The following GRM8 variants were observed in gnomAD, a reference collection of about 807,000 sequenced individuals.
GRM8 encodes the protein metabotropic glutamate receptor 8.
A neutral mutation model predicts 87.2 loss-of-function variants in GRM8; 47 were observed. The ratio of observed to expected loss-of-function variants is 0.54; its 90% CI spans 0.43 to 0.69. The LOEUF (loss-of-function observed/expected upper bound fraction) is 0.69. Ranked by LOEUF, GRM8 falls within the 30% of genes least tolerant of loss-of-function variation. The pLI is 0.00. For synonymous variants in GRM8, 396 were observed against 404.5 expected, an observed-to-expected ratio of 0.98 and a Z score of 0.25; for missense variants, 1,019 against 1,139.2, an observed-to-expected ratio of 0.89 and a Z score of 1.52.
chr7:126,725,021 AAGG>A (rs1258297543), intron 7 of GRM8, among the ~76,000 whole-genome samples: 1 of 152,192 alleles, frequency 6.6e-6, no homozygotes, highest in East Asian at 1.9e-4. Context: ...ATGAATTGCA[AAGG>A]AGATGACAAG....
intron 8 of GRM8, among the ~76,000 whole-genome samples, chr7:126,605,551 G>A (rs1798265188): frequency 6.6e-6 from 1 of 151,914 alleles, no homozygotes; most frequent in African/African-American, 2.4e-5. Context: ...GATATTCAAG[G>A]CAAATTTACT....
chr7:126,812,422 A>G (rs1399579962), intron 6 of GRM8, among the ~76,000 whole-genome samples: 1 of 152,012 alleles, frequency 6.6e-6, no homozygotes, highest in African/African-American at 2.4e-5. Context: ...ACAACATGTT[A>G]CTATACTGAA....
chr7:126,899,367 C>T (rs960524324), intron 6 of GRM8, among the ~76,000 whole-genome samples: 3 of 152,154 alleles, frequency 2.0e-5, no homozygotes, highest in African/African-American at 7.2e-5. Context: ...AGAAGCTGGA[C>T]CTTTTTACTG....
At chr7:127,111,144 C>T (rs1177023607) in intron 2 of GRM8, 1 of 152,138 alleles carries the variant, frequency 6.6e-6, no homozygotes, top group Non-Finnish European at 1.5e-5. Context: ...ATCTCGAACG[C>T]AGTTCTTAGC....
intron 6 of GRM8, among the ~76,000 whole-genome samples, chr7:126,885,431 T>G (rs1177828547): frequency 6.6e-6 from 1 of 152,150 alleles, no homozygotes; most frequent in African/African-American, 2.4e-5. Context: ...ACTGAAATCA[T>G]TCCAAGACTA....
At chr7:126,850,222 C>A (rs1349215152) in intron 6 of GRM8, among the ~76,000 whole-genome samples, 1 of 152,154 alleles carries the variant, frequency 6.6e-6, no homozygotes, top group Non-Finnish European at 1.5e-5. Flanking sequence ...TGCAGTTGGT[C>A]ATTTTCATCT....
At chr7:126,876,952 C>T (rs1799571920) in intron 6 of GRM8, among the ~76,000 whole-genome samples, 1 of 145,694 alleles carries the variant, frequency 6.9e-6, no homozygotes, top group African/African-American at 2.5e-5. Context: ...AAAAAAAAGG[C>T]TGTTCCATGT....
In GRM8 at chr7:126,700,186, C is replaced by G. The variant is rs182914513; in HGVS notation, c.1357+69679G>C. ...TATGTCTAAGATTGGTATAGAACAA[C>G]AGCAATTTCACAATATCTAGACAAT... On this transcript the variant is annotated intron_variant, in intron 7 of 10. Transcript: ENST00000339582. Among the ~76,000 whole-genome samples the G allele has an allele frequency of 7.4e-4, 113 of 152,208 alleles. 1 individual carries two copies. The highest frequency in any genetic ancestry group is 2.5e-3 in the African/African-American group (103 of 41,522).
chr7:126,982,192 TA>T (rs1461733382), intron 3 of GRM8, among the ~76,000 whole-genome samples: 1 of 152,164 alleles, frequency 6.6e-6, no homozygotes, highest in Non-Finnish European at 1.5e-5. Context: ...TAAGCCAGTC[TA>T]ACCTTTTCAT....
chr7:127,200,063 A>G (rs985710711), intron 2 of GRM8, among the ~76,000 whole-genome samples: 3 of 152,224 alleles, frequency 2.0e-5, no homozygotes, highest in African/African-American at 7.2e-5. Context: ...CAAAACTTTC[A>G]GATCAGTTAT....
intron 6 of GRM8, among the ~76,000 whole-genome samples, chr7:126,855,965 C>T (rs909775790): frequency 2.0e-5 from 3 of 152,138 alleles, no homozygotes; most frequent in African/African-American, 7.2e-5. Flanking sequence ...CCATGTGAAG[C>T]TGTATGCCAG....
chr7:127,112,716 T>C (rs917329392), intron 2 of GRM8, among the ~76,000 whole-genome samples: 6 of 152,182 alleles, frequency 3.9e-5, no homozygotes, highest in Non-Finnish European at 2.9e-5. Context: ...GAATTCCAGT[T>C]CAAATCACCG....
chr7:126,703,577 T>C (rs760004840), intron 7 of GRM8, among the ~76,000 whole-genome samples: 2 of 152,286 alleles, frequency 1.3e-5, no homozygotes, highest in Non-Finnish European at 1.5e-5. Context: ...TTTCGTTTTT[T>C]ATACGAGGTC....
chr7:126,919,355 T>A (rs1294056283), intron 3 of GRM8, among the ~76,000 whole-genome samples: 1 of 152,216 alleles, frequency 6.6e-6, no homozygotes, highest in East Asian at 1.9e-4. Flanking sequence ...TACTGTGAAT[T>A]ATGTAAGTTC....
At chr7:126,669,771 C>A (rs1255243813) in intron 7 of GRM8, among the ~76,000 whole-genome samples, 2 of 152,186 alleles carry the variant, frequency 1.3e-5, no homozygotes, top group African/African-American at 4.8e-5. Flanking sequence ...AATAGATTTA[C>A]ATGCAAGGGG....
rs2896388 is a variant in GRM8 at position 126,941,330 on chromosome 7, T to A, written c.728-36647A>T. Among the ~76,000 whole-genome samples, 132 of 151,766 alleles carry A rather than the reference T, an allele frequency of 8.7e-4. 2 individuals carry two copies. Among genetic ancestry groups the A allele is most frequent in the African/African-American group, 3.0e-3 (122 of 41,346 alleles). On this transcript the variant is annotated intron_variant, in intron 3 of 10. Coordinates refer to ENST00000339582, the MANE Select transcript of GRM8 (RefSeq NM_000845.3). ...TACTTATTTGAAAGTGTTTCAGGCC[T>A]TGCGCGGTGACTCACGGCTGTAATC...
intron 7 of GRM8, among the ~76,000 whole-genome samples, chr7:126,656,393 A>T (rs1345635425): frequency 6.6e-6 from 1 of 152,158 alleles, no homozygotes; most frequent in Non-Finnish European, 1.5e-5. Context: ...AGACCTACCA[A>T]ACAGGCCAGG....
intron 3 of GRM8, among the ~76,000 whole-genome samples, chr7:126,985,878 T>C (rs1812005796): frequency 6.6e-6 from 1 of 152,194 alleles, no homozygotes; most frequent in African/African-American, 2.4e-5. Flanking sequence ...TCAACATAAG[T>C]TTTGGAGGGG....
intron 3 of GRM8, among the ~76,000 whole-genome samples, chr7:127,102,847 A>G (rs2133045663): frequency 6.6e-6 from 1 of 152,282 alleles, no homozygotes; most frequent in Admixed American, 6.5e-5. Context: ...TGGAGCTGTT[A>G]GAAAGAGGCC....
Sources: gnomAD v4.1 joint callset for allele counts (sites outside exome capture counted in the v4.1 genomes callset) on GRCh38, gnomAD v4.1.1 for gene constraint, MANE v1.5 for transcripts, NCBI Gene and HGNC (gene_info 2026-07-23, HGNC 2026-07-21) for gene names.